ST6GALNAC3: variants seen among roughly 807,000 people sequenced by gnomAD.
The protein encoded by ST6GALNAC3 is ST6 N-acetylgalactosaminide alpha-2,6-sialyltransferase 3, also known as alpha-N-acetylgalactosaminide alpha-2,6-sialyltransferase 3.
Under a neutral mutation model 32.7 loss-of-function variants are expected in ST6GALNAC3, and 25 were observed. That is an observed-to-expected ratio of 0.76 (90% CI 0.56 to 1.07). ST6GALNAC3 has a LOEUF of 1.07. Ranked by LOEUF, ST6GALNAC3 falls within the 50% of genes least tolerant of loss-of-function variation. The pLI is 0.00. For missense variants in ST6GALNAC3, 355 were observed against 382.4 expected (o/e 0.93, Z 0.60); for synonymous variants, 129 against 133.1 (o/e 0.97, Z 0.21).
intron 1 of ST6GALNAC3, among the ~76,000 whole-genome samples, chr1:76,171,268 G>C (rs1182218673): frequency 6.6e-6 from 1 of 151,858 alleles, no homozygotes; most frequent in Non-Finnish European, 1.5e-5. Context: ...TTGCTTTTAG[G>C]GTTCTGTATT....
intron 3 of ST6GALNAC3, among the ~76,000 whole-genome samples, chr1:76,559,907 A>G (rs978796632): frequency 9.9e-5 from 15 of 152,148 alleles, no homozygotes; most frequent in Non-Finnish European, 8.8e-5. Flanking sequence ...CAGGGCATTT[A>G]ATAATCAAAC....
intron 1 of ST6GALNAC3, among the ~76,000 whole-genome samples, chr1:76,180,506 C>T (rs1182620806): frequency 6.6e-6 from 1 of 152,134 alleles, no homozygotes; most frequent in African/African-American, 2.4e-5. Context: ...CAAGTGAGAA[C>T]AGACATTCCT....
At chr1:76,252,841 A>G (rs1657701108) in intron 1 of ST6GALNAC3, among the ~76,000 whole-genome samples, 1 of 152,118 alleles carries the variant, frequency 6.6e-6, no homozygotes, top group Non-Finnish European at 1.5e-5. Context: ...TCGAGTGGAG[A>G]ATCATAAGGC....
intron 3 of ST6GALNAC3, among the ~76,000 whole-genome samples, chr1:76,613,676 G>A (rs1648089112): frequency 6.6e-6 from 1 of 152,222 alleles, no homozygotes; most frequent in South Asian, 2.1e-4. Flanking sequence ...AGACCTGGTT[G>A]TTTAAAAGTG....
chr1:76,153,018 T>G (rs1215644724), intron 1 of ST6GALNAC3, among the ~76,000 whole-genome samples: 1 of 152,188 alleles, frequency 6.6e-6, no homozygotes. Flanking sequence ...TACCGGACCT[T>G]AAGATATGCA....
chr1:76,573,916 A>G (rs1425834234), intron 3 of ST6GALNAC3, among the ~76,000 whole-genome samples: 1 of 152,030 alleles, frequency 6.6e-6, no homozygotes, highest in East Asian at 1.9e-4. Flanking sequence ...CAAGGAAAAT[A>G]TTTGCTCTGG....
At chr1:76,342,509 C>A (rs941948911) in intron 2 of ST6GALNAC3, among the ~76,000 whole-genome samples, 2 of 150,902 alleles carry the variant, frequency 1.3e-5, no homozygotes, top group African/African-American at 4.9e-5. Flanking sequence ...TAAATGTCTT[C>A]TTTTGAGAAG....
chr1:76,361,990 A>AT (rs1324069866), intron 2 of ST6GALNAC3, among the ~76,000 whole-genome samples: 1 of 43,412 alleles, frequency 2.3e-5, no homozygotes, highest in Admixed American at 3.2e-4. Context: ...AAAAAAAAAA[A>AT]AAAGAGAGAA....
chr1:76,339,938 G>GA (rs1049650708), intron 2 of ST6GALNAC3, among the ~76,000 whole-genome samples: 2 of 152,196 alleles, frequency 1.3e-5, no homozygotes, highest in African/African-American at 4.8e-5. Flanking sequence ...AAGTGGGAGA[G>GA]AAAGTCATAC....
chr1:76,434,039 G>A (rs1655958588), intron 3 of ST6GALNAC3, among the ~76,000 whole-genome samples: 1 of 152,132 alleles, frequency 6.6e-6, no homozygotes, highest in African/African-American at 2.4e-5. Context: ...GACAAATGCT[G>A]TTATTTGCTC....
At chr1:76,376,670 T>G (rs1326958949) in intron 2 of ST6GALNAC3, among the ~76,000 whole-genome samples, 1 of 152,240 alleles carries the variant, frequency 6.6e-6, no homozygotes, top group Non-Finnish European at 1.5e-5. Context: ...ATTGTTGTTT[T>G]TATCCACTCT....
At chr1:76,437,420 G>T (rs2101481648) in intron 3 of ST6GALNAC3, among the ~76,000 whole-genome samples, 1 of 152,054 alleles carries the variant, frequency 6.6e-6, no homozygotes, top group Non-Finnish European at 1.5e-5. Context: ...TTCAGTGTCT[G>T]ATTGTTCTTA....
intron 1 of ST6GALNAC3, among the ~76,000 whole-genome samples, chr1:76,172,587 C>T (rs1652592967): frequency 1.1e-5 from 1 of 90,594 alleles, no homozygotes; most frequent in Non-Finnish European, 2.7e-5. Context: ...TTTAAAAACC[C>T]CATCACCTCA....
chr1:76,249,360 G>T (rs573828869), intron 1 of ST6GALNAC3, among the ~76,000 whole-genome samples: 11 of 152,110 alleles, frequency 7.2e-5, no homozygotes, highest in East Asian at 3.9e-4. Context: ...TGTGACTTTT[G>T]ATTTTTTATT....
Position 76,404,852 on chromosome 1 carries a change from T to A in ST6GALNAC3, c.214-7156T>A, listed in dbSNP as rs1250936666. ...CCCATCTCCAATTTTTAAAATGGCA[T>A]CCTTATGGTTGAAATGAAAGGAACC... On this transcript the variant is annotated intron_variant, in intron 2 of 4. Coordinates refer to ENST00000328299, the MANE Select transcript of ST6GALNAC3 (RefSeq NM_152996.4). 4.6e-5 allele frequency among the ~76,000 whole-genome samples: 7 copies of A among 152,230 alleles called. No individual in the cohort carries two copies. In the East Asian group the frequency reaches 1.3e-3, roughly 29 times the overall value.
At chr1:76,359,406 T>A (rs1424892243) in intron 2 of ST6GALNAC3, among the ~76,000 whole-genome samples, 5 of 152,180 alleles carry the variant, frequency 3.3e-5, no homozygotes, top group Admixed American at 3.3e-4. Context: ...ACTTGTGTCC[T>A]TATTTTTAAA....
chr1:76,554,385 C>T (rs1664799170), intron 3 of ST6GALNAC3, among the ~76,000 whole-genome samples: 1 of 151,966 alleles, frequency 6.6e-6, no homozygotes, highest in Non-Finnish European at 1.5e-5. Flanking sequence ...AGGGGAGAAA[C>T]CAATTAAGTC....
chr1:76,170,081 C>G (rs1171128806), intron 1 of ST6GALNAC3, among the ~76,000 whole-genome samples: 5 of 152,080 alleles, frequency 3.3e-5, no homozygotes, highest in African/African-American at 1.2e-4. Flanking sequence ...AACTGACTAG[C>G]TTCATTTCTG....
Position 76,268,832 on chromosome 1 carries a change from C to T in ST6GALNAC3, c.19-44973C>T, listed in dbSNP as rs1189211456. 1.1e-4 allele frequency among the ~76,000 whole-genome samples: 16 copies of T among 152,252 alleles called. No homozygotes were observed. The East Asian group carries it at 2.5e-3, about 24-fold the overall frequency. On this transcript the variant is annotated intron_variant, in intron 1 of 4. Transcript: ENST00000328299. ...GCCTAACCACGATGTACCCACCTTC[C>T]GTGGCTCAGCTGAGGGCCACTTTGT... is the stretch of plus-strand genomic sequence containing the variant.
Sources: allele counts gnomAD v4.1 joint callset (sites outside exome capture counted in the v4.1 genomes callset), GRCh38; gene constraint gnomAD v4.1.1; transcripts MANE v1.5; gene names NCBI Gene and HGNC (gene_info 2026-07-23, HGNC 2026-07-21).